The following SNX18 variants were observed in gnomAD, a reference collection of about 807,000 sequenced individuals.
SNX18 encodes sorting nexin-18.
Under a neutral mutation model 48.7 loss-of-function variants are expected in SNX18, and 35 were observed. That is an observed-to-expected ratio of 0.72 (90% confidence interval 0.55 to 0.95). The LOEUF is 0.95. Ranked by LOEUF, SNX18 falls within the 40% of genes least tolerant of loss-of-function variation. The pLI, the probability that SNX18 is intolerant of heterozygous loss-of-function variation, is 0.00. For missense variants in SNX18, 824 were observed against 871.0 expected (o/e 0.95, Z 0.68); for synonymous variants, 492 against 384.7 (o/e 1.28, Z -3.26).
chr5:54,603,623 G>T, the SNX18 span, among the ~76,000 whole-genome samples: 1 of 152,064 alleles, frequency 6.6e-6, no homozygotes, highest in Non-Finnish European at 1.5e-5. Flanking sequence ...CTAGAGTCCA[G>T]AAGCCAAAGA....
chr5:54,589,778 C>T, the SNX18 span, among the ~76,000 whole-genome samples: 44,486 of 151,938 alleles, frequency 0.29, 7,557 homozygotes, highest in Non-Finnish European at 0.37. Context: ...CTAGAGGAAA[C>T]CAGGGCCCTG....
At chr5:54,608,167 C>G in the SNX18 span, among the ~76,000 whole-genome samples, 1 of 152,122 alleles carries the variant, frequency 6.6e-6, no homozygotes, top group African/African-American at 2.4e-5. Context: ...TTCTCTGCAT[C>G]CTCATCAGCA....
At chr5:54,591,766 T>G in the SNX18 span, among the ~76,000 whole-genome samples, 3 of 152,224 alleles carry the variant, frequency 2.0e-5, no homozygotes, top group African/African-American at 7.2e-5. Context: ...GTCAGAGCAG[T>G]GCATACAAAT....
the SNX18 span, chr5:54,643,650 GGGA>G: frequency 3.3e-5 from 5 of 152,214 alleles, no homozygotes; most frequent in African/African-American, 9.7e-5. Flanking sequence ...TCCTTGAGAT[GGGA>G]GGAGAACGGA....
chr5:54,608,872 T>A, the SNX18 span, among the ~76,000 whole-genome samples: 1 of 152,136 alleles, frequency 6.6e-6, no homozygotes, highest in East Asian at 1.9e-4. Context: ...GTAAAGGTCA[T>A]TAGGTCTTAT....
At chr5:54,613,394 G>T in the SNX18 span, among the ~76,000 whole-genome samples, 1 of 152,112 alleles carries the variant, frequency 6.6e-6, no homozygotes, top group Admixed American at 6.5e-5. Context: ...TCACGCACAT[G>T]AGAGAAAGAG....
the SNX18 span, among the ~76,000 whole-genome samples, chr5:54,588,859 A>G: frequency 6.6e-6 from 1 of 152,224 alleles, no homozygotes; most frequent in East Asian, 1.9e-4. Flanking sequence ...TAGTAATATG[A>G]CAAATGTCAA....
rs968721644 is a variant in SNX18 at position 54,546,000 on chromosome 5, G to C, written c.*2568G>C. ...GTTTATATGCTGTAACTGTAACGCAGCGAGACTGGTTCTACAGCCATGTGT... is the reference window on the plus strand; with the variant it reads ...GTTTATATGCTGTAACTGTAACGCACCGAGACTGGTTCTACAGCCATGTGT... On this transcript the variant is annotated 3_prime_UTR_variant, in exon 2 of 2. Transcript: ENST00000381410. 3 of 152,134 alleles carry C rather than the reference G, an allele frequency of 2.0e-5. No homozygotes were observed. Among genetic ancestry groups the C allele is most frequent in the African/African-American group, 7.2e-5 (3 of 41,428 alleles). The allele number at this position is 152,134 out of a possible 1,614,324, so 9.4% of individuals were successfully genotyped here. A position where few individuals can be genotyped will look rare whatever the true frequency, so the allele number is the denominator to read the frequency against.
chr5:54,598,772 T>G, the SNX18 span, among the ~76,000 whole-genome samples: 1 of 152,024 alleles, frequency 6.6e-6, no homozygotes, highest in Non-Finnish European at 1.5e-5. Flanking sequence ...CCACAGCCAA[T>G]AGCATACTGA....
the SNX18 span, among the ~76,000 whole-genome samples, chr5:54,582,446 CTT>C: frequency 6.6e-6 from 1 of 152,042 alleles, no homozygotes; most frequent in Admixed American, 6.6e-5. Context: ...GTGTTTATAT[CTT>C]TTTCTTTCCT....
the SNX18 span, among the ~76,000 whole-genome samples, chr5:54,572,769 T>TATAC: frequency 9.4e-6 from 1 of 106,476 alleles, no homozygotes; most frequent in Non-Finnish European, 1.8e-5. Flanking sequence ...TATATATATA[T>TATAC]ATATATTTTT....
chr5:54,528,421 A>C (rs770677533), intron 1 of SNX18, among the ~76,000 whole-genome samples: 2 of 152,218 alleles, frequency 1.3e-5, no homozygotes, highest in African/African-American at 2.4e-5. Context: ...AAGACAGTGC[A>C]TGGGAGTCCA....
the SNX18 span, among the ~76,000 whole-genome samples, chr5:54,612,815 G>A: frequency 9.9e-5 from 15 of 152,190 alleles, no homozygotes; most frequent in African/African-American, 3.1e-4. Flanking sequence ...AGTGACAGGA[G>A]GCAATCTGTC....
At chr5:54,527,003 T>C (rs941243042) in intron 1 of SNX18, among the ~76,000 whole-genome samples, 1 of 151,746 alleles carries the variant, frequency 6.6e-6, no homozygotes, top group Admixed American at 6.6e-5. Flanking sequence ...AGTAAGGCCC[T>C]GGGGTGGACA....
At chr5:54,644,424 G>C in the SNX18 span, 11 of 152,186 alleles carry the variant, frequency 7.2e-5, no homozygotes, top group Non-Finnish European at 1.5e-4. Context: ...TACTAACCAC[G>C]GGTGAGTAAC....
the SNX18 span, among the ~76,000 whole-genome samples, chr5:54,564,634 A>T: frequency 6.6e-6 from 1 of 152,214 alleles, no homozygotes; most frequent in South Asian, 2.1e-4. Context: ...AGATGGGTGG[A>T]TCACCTGAGG....
At chr5:54,609,628 T>C in the SNX18 span, among the ~76,000 whole-genome samples, 22 of 152,142 alleles carry the variant, frequency 1.4e-4, no homozygotes, top group African/African-American at 5.3e-4. Flanking sequence ...CTTCTATTTG[T>C]CCCACCCTGC....
At chr5:54,567,635 T>C in the SNX18 span, among the ~76,000 whole-genome samples, 2 of 152,220 alleles carry the variant, frequency 1.3e-5, no homozygotes, top group Non-Finnish European at 1.5e-5. Flanking sequence ...ACTCCCCTTA[T>C]ACAATCCAGA....
chr5:54,570,753 C>A, the SNX18 span, among the ~76,000 whole-genome samples: 3 of 152,232 alleles, frequency 2.0e-5, no homozygotes, highest in Non-Finnish European at 4.4e-5. Context: ...TAAAGGATTC[C>A]AAATATTAAG....
Sources: gnomAD v4.1 joint callset for allele counts (sites outside exome capture counted in the v4.1 genomes callset) on GRCh38, gnomAD v4.1.1 for gene constraint, MANE v1.5 for transcripts, NCBI Gene and HGNC (gene_info 2026-07-23, HGNC 2026-07-21) for gene names.